Variants in ST14 observed in about 807,000 individuals in gnomAD.
ST14 encodes the protein ST14 transmembrane serine protease matriptase.
ST14 carries 40 observed loss-of-function variants against 96.5 expected under a neutral mutation model. The ratio of observed to expected loss-of-function variants is 0.41; its 90% CI spans 0.32 to 0.54. The LOEUF (loss-of-function observed/expected upper bound fraction) is 0.54. Ranked by LOEUF, ST14 falls within the 20% of genes least tolerant of loss-of-function variation. The probability of loss-of-function intolerance (pLI) is 0.17; values close to 1 mark genes in which losing one functional copy is unlikely to be tolerated. For missense variants in ST14, 1,066 were observed against 1,188.9 expected (o/e 0.90, Z 1.52); for synonymous variants, 506 against 492.1 (o/e 1.03, Z -0.37).
intron 1 of ST14, among the ~76,000 whole-genome samples, chr11:130,184,944 A>C (rs1405624338): frequency 6.6e-6 from 1 of 152,180 alleles, no homozygotes; most frequent in Non-Finnish European, 1.5e-5. Flanking sequence ...AACCATTGGG[A>C]GTGCCCAGAA....
intron 15 of ST14, 105 bp downstream of exon 15, chr11:130,199,174 C>T (rs1348880961): frequency 7.9e-7 from 1 of 1,269,616 alleles, no homozygotes; most frequent in African/African-American, 1.5e-5. Context: ...CACTTAGCAG[C>T]TCTGTGCTTG....
At chr11:130,209,011 G>A (rs1480195330) in intron 17 of ST14, among the ~76,000 whole-genome samples, 1 of 152,198 alleles carries the variant, frequency 6.6e-6, no homozygotes, top group African/African-American at 2.4e-5. Context: ...TGAGGGGGTG[G>A]GTATGAAGGG....
In ST14 at chr11:130,190,602, C is replaced by T. The variant is rs1953286786; in HGVS notation, c.783C>T (p.Arg261=). ...ACTCAGTGCTGAGCCTCACCTTCCGCAGCTTTGACCTTGCGTCCTGCGACG... is the reference window on the plus strand; with the variant it reads ...ACTCAGTGCTGAGCCTCACCTTCCGTAGCTTTGACCTTGCGTCCTGCGACG... ...DADSVLSLTF[R]SFDLASCDER... is the part of the protein sequence containing the mutation. The change falls in exon 7 of 19, where the codon CGC becomes CGT. Residue 261 remains arginine (R), a synonymous_variant. Coordinates refer to ENST00000278742, the MANE Select transcript of ST14 (RefSeq NM_021978.4). 6.2e-7 allele frequency: 1 copy of T among 1,613,172 alleles called. No individual in the cohort carries two copies. Among genetic ancestry groups the T allele is most frequent in the Middle Eastern group, 1.7e-4 (1 of 6,058 alleles).
At chr11:130,190,737 G>A in intron 7 of ST14, 43 bp downstream of exon 7, 1 of 1,533,362 alleles carries the variant, frequency 6.5e-7, no homozygotes, top group South Asian at 1.2e-5. Context: ...GAGCTTGGCG[G>A]CTGCCCTGTA....
chr11:130,198,954 C>A lies in ST14; in HGVS notation c.1692C>A (p.Val564=). 6.2e-7 allele frequency: 1 copy of A among 1,614,008 alleles called. No individual in the cohort carries two copies. The highest frequency in any genetic ancestry group is 1.1e-5 in the South Asian group (1 of 91,046). Residue 564 remains valine (V), a synonymous_variant, in exon 15 of 19, where the codon GTC becomes GTA. Coordinates refer to ENST00000278742, the MANE Select transcript of ST14 (RefSeq NM_021978.4). The part of the protein sequence containing the change: ...SDEASCPKVN[V]VTCTKHTYRC... Reference sequence around the variant, plus strand: ...GTCCTCCTCCTTGAACAGTGAACGTCGTCACTTGTACCAAACACACCTACC... The same window carrying A: ...GTCCTCCTCCTTGAACAGTGAACGTAGTCACTTGTACCAAACACACCTACC...
Position 130,187,836 on chromosome 11 carries a change from A to G in ST14, c.82-278A>G, listed in dbSNP as rs1005811334. Among the ~76,000 whole-genome samples, 1 of 152,164 alleles carries G rather than the reference A, an allele frequency of 6.6e-6. No homozygotes were observed. The highest frequency in any genetic ancestry group is 2.4e-5 in the African/African-American group (1 of 41,430). ...CATTGCGTTTTAATTTAAATGAACA[A>G]TTCGTAAGCAATGATCGCCTGGTGC... On this transcript the variant is annotated intron_variant, in intron 1 of 18. Transcript: ENST00000278742. The surrounding 1 kb of genome is among the most constrained non-coding windows in gnomAD (Gnocchi z 4.5).
At chr11:130,195,139 T>A (rs1234690775) in intron 9 of ST14, among the ~76,000 whole-genome samples, 1 of 152,184 alleles carries the variant, frequency 6.6e-6, no homozygotes, top group Middle Eastern at 3.4e-3. Flanking sequence ...TCCCAGCTAC[T>A]CAGGAGGCCG....
At position 130,198,458 on chromosome 11, in the gene ST14, C is replaced by G. The variant is rs749584402; in HGVS notation, c.1570+40C>G. Reference sequence around the variant, plus strand: ...GGGGCTGCCTGGGCGGGCAGGTGGGCGGGGCGACTGACGGTGGCTCCTGGT... The same window carrying G: ...GGGGCTGCCTGGGCGGGCAGGTGGGGGGGGCGACTGACGGTGGCTCCTGGT... On this transcript the variant is annotated intron_variant, in intron 13 of 18. Coordinates refer to ENST00000278742, the MANE Select transcript of ST14 (RefSeq NM_021978.4). 2.5e-6 allele frequency: 4 copies of G among 1,597,840 alleles called. No homozygotes were observed. The African/African-American group carries it at 4.0e-5, about 16-fold the overall frequency.
intron 16 of ST14, among the ~76,000 whole-genome samples, chr11:130,203,888 G>T (rs112100594): frequency 6.6e-6 from 1 of 152,074 alleles, no homozygotes; most frequent in African/African-American, 2.4e-5. Flanking sequence ...TCCTGACCAC[G>T]GGTGATCTGC....
intron 1 of ST14, among the ~76,000 whole-genome samples, chr11:130,182,761 T>G (rs1953204876): frequency 1.3e-5 from 2 of 151,800 alleles, no homozygotes; most frequent in South Asian, 4.2e-4. Context: ...GCAACTCTTG[T>G]ACTTCAGCCT....
chr11:130,160,784 A>G (rs1952993123), intron 1 of ST14, among the ~76,000 whole-genome samples: 2 of 152,188 alleles, frequency 1.3e-5, no homozygotes, highest in Non-Finnish European at 2.9e-5. Context: ...GGAGTTGGGG[A>G]TGGGTCGCTA....
At position 130,207,207 on chromosome 11, in the gene ST14, C is replaced by T. The variant is rs1476252970; in HGVS notation, c.1995-1203C>T. Among the ~76,000 whole-genome samples, 7 of 152,194 alleles carry T rather than the reference C, an allele frequency of 4.6e-5. No homozygotes were observed. The East Asian group carries it at 1.3e-3, about 29-fold the overall frequency. The stretch of plus-strand genomic sequence containing the variant: ...TTCAATAGAGAAGGATATTTAGACA[C>T]TAAGTTCTGGGTGCTGCTGGAGACA... On this transcript the variant is annotated intron_variant, in intron 16 of 18. Transcript: ENST00000278742.
intron 16 of ST14, among the ~76,000 whole-genome samples, chr11:130,201,643 A>G (rs1018946745): frequency 3.9e-5 from 6 of 152,250 alleles, no homozygotes; most frequent in African/African-American, 1.4e-4. Flanking sequence ...CAGTGGTGCA[A>G]ATCATAGCTT....
At chr11:130,176,722 G>T (rs1352270076) in intron 1 of ST14, among the ~76,000 whole-genome samples, 1 of 149,408 alleles carries the variant, frequency 6.7e-6, no homozygotes, top group Non-Finnish European at 1.5e-5. Flanking sequence ...CTGGCTCTTT[G>T]CCTGTCTGGC....
At chr11:130,161,999 G>T (rs546062604) in intron 1 of ST14, among the ~76,000 whole-genome samples, 1 of 152,292 alleles carries the variant, frequency 6.6e-6, no homozygotes, top group Middle Eastern at 3.4e-3. Flanking sequence ...CCAGTCCCTG[G>T]GATCACCCTG....
chr11:130,205,374 T>C (rs7123355), intron 16 of ST14, among the ~76,000 whole-genome samples: 109,885 of 152,162 alleles, frequency 0.72, 40,027 homozygotes, highest in Middle Eastern at 0.8. Context: ...GATCCCCCCA[T>C]GCCTTGGCCT....
chr11:130,196,471 G>C, intron 10 of ST14, 23 bp downstream of exon 10: 4 of 1,597,034 alleles, frequency 2.5e-6, no homozygotes, highest in Non-Finnish European at 3.4e-6. Flanking sequence ...GGGTATGGGG[G>C]CTGCCGGGCC....
chr11:130,177,498 G>A lies in ST14; in HGVS notation c.82-10616G>A, dbSNP rs1490296629. ...GAACCGCTTGAACCTGGGAGGTGGA[G>A]GTTGTGGTGAGCCGATATGGCGCCA... is the stretch of plus-strand genomic sequence containing the variant. On this transcript the variant is annotated intron_variant, in intron 1 of 18. Transcript: ENST00000278742. Among the ~76,000 whole-genome samples, 8 of 152,310 alleles carry A rather than the reference G, an allele frequency of 5.3e-5. No individual in the cohort carries two copies. In the East Asian group the frequency reaches 1.4e-3, roughly 26 times the overall value.
At chr11:130,196,472 CTG>C in intron 10 of ST14, 24 bp downstream of exon 10, 4 of 1,596,694 alleles carry the variant, frequency 2.5e-6, no homozygotes, top group Non-Finnish European at 3.4e-6. Context: ...GGTATGGGGG[CTG>C]CCGGGCCCAT....
Sources: allele counts gnomAD v4.1 joint callset (sites outside exome capture counted in the v4.1 genomes callset), GRCh38; gene constraint gnomAD v4.1.1; non-coding constraint Gnocchi (gnomAD v3.1); transcripts MANE v1.5; gene names NCBI Gene and HGNC (gene_info 2026-07-23, HGNC 2026-07-21).